DSCAML1: variants seen among roughly 807,000 people sequenced by gnomAD.
DSCAML1 encodes the protein DS cell adhesion molecule like 1, also known as cell adhesion molecule DSCAML1.
In DSCAML1, 38 loss-of-function variants were observed where a neutral mutation model predicts 200.5. That is an observed-to-expected ratio of 0.19 (90% CI 0.15 to 0.25). DSCAML1 has a LOEUF of 0.25. Ranked by LOEUF, DSCAML1 falls within the 10% of genes least tolerant of loss-of-function variation. DSCAML1 has a pLI of 1.00. For synonymous variants in DSCAML1, 1,215 were observed against 1,165.0 expected, an observed-to-expected ratio of 1.04 and a Z score of -0.87; for missense variants, 2,223 against 2,858.8, an observed-to-expected ratio of 0.78 and a Z score of 5.07.
At chr11:117,477,351 T>A (rs374157925) in intron 14 of DSCAML1, among the ~76,000 whole-genome samples, 14 of 21,958 alleles carry the variant, frequency 6.4e-4, no homozygotes, top group Admixed American at 7.0e-4. Flanking sequence ...GTTCTGAAAG[T>A]GTGTGTGTGT....
intron 3 of DSCAML1, among the ~76,000 whole-genome samples, chr11:117,712,188 G>A (rs2053861004): frequency 6.6e-6 from 1 of 152,146 alleles, no homozygotes; most frequent in Admixed American, 6.6e-5. Flanking sequence ...GAATGCAACT[G>A]GGAAAATGCA....
chr11:117,631,690 CTGTGTG>C (rs376799210), intron 3 of DSCAML1, among the ~76,000 whole-genome samples: 10 of 150,382 alleles, frequency 6.6e-5, no homozygotes, highest in East Asian at 5.8e-4. Flanking sequence ...GTGATTGTGC[CTGTGTG>C]TGTGTGTGTG....
At chr11:117,622,044 T>C (rs1373681920) in intron 3 of DSCAML1, among the ~76,000 whole-genome samples, 3 of 152,346 alleles carry the variant, frequency 2.0e-5, no homozygotes, top group South Asian at 2.1e-4. Flanking sequence ...CCTCAGTCCA[T>C]GTTTGCTGGA....
chr11:117,517,117 G>A (rs2049786044), intron 7 of DSCAML1, among the ~76,000 whole-genome samples: 1 of 152,124 alleles, frequency 6.6e-6, no homozygotes, highest in Admixed American at 6.5e-5. Context: ...AAGATTTTGG[G>A]ATTAAAGTGG....
intron 3 of DSCAML1, among the ~76,000 whole-genome samples, chr11:117,705,814 C>T (rs2053749667): frequency 6.6e-6 from 1 of 152,190 alleles, no homozygotes; most frequent in Non-Finnish European, 1.5e-5. Flanking sequence ...CAGAAGTGTG[C>T]TAGGCTGGGA....
upstream of DSCAML1, chr11:117,797,396 G>T (rs985135564): frequency 1.5e-4 from 101 of 690,006 alleles, no homozygotes; most frequent in Admixed American, 4.9e-4. Flanking sequence ...GGGCCAGACC[G>T]CCCCGACCCG....
intron 15 of DSCAML1, among the ~76,000 whole-genome samples, chr11:117,470,976 T>G (rs2048674112): frequency 6.6e-6 from 1 of 152,112 alleles, no homozygotes; most frequent in Non-Finnish European, 1.5e-5. Flanking sequence ...GTGGTGACAG[T>G]ACAAAAAAGA....
chr11:117,505,849 G>A lies in DSCAML1; in HGVS notation c.1784-117C>T. 8 of 1,267,328 alleles carry A rather than the reference G, an allele frequency of 6.3e-6. No homozygotes were observed. The highest frequency in any genetic ancestry group is 1.5e-5 in the South Asian group (1 of 67,142). The allele number at this position is 1,267,328 out of a possible 1,614,324, so 78.5% of individuals were successfully genotyped here. A position where few individuals can be genotyped will look rare whatever the true frequency, so the allele number is the denominator to read the frequency against. On this transcript the variant is annotated intron_variant, in intron 8 of 32. Coordinates refer to ENST00000651296, the MANE Select transcript of DSCAML1 (RefSeq NM_020693.4). This position sits in a 1 kb window ranked among gnomAD's most constrained non-coding sequence, Gnocchi z 6.7. ...TTGGGCCTTGAACAAAGATCCCCTG[G>A]GGCACTGCAGCCTTGTTCTCCTATG...
At chr11:117,565,097 C>T (rs1221143276) in intron 3 of DSCAML1, among the ~76,000 whole-genome samples, 1 of 152,152 alleles carries the variant, frequency 6.6e-6, no homozygotes. Flanking sequence ...ACCTGACCAC[C>T]TGTTCAGTGC....
chr11:117,461,194 A>AC (rs1229148650), intron 18 of DSCAML1, among the ~76,000 whole-genome samples: 23 of 139,750 alleles, frequency 1.6e-4, no homozygotes, highest in African/African-American at 3.5e-4. Flanking sequence ...CCTAGGTACC[A>AC]CCCCCCCACC....
In DSCAML1 at chr11:117,536,593, G is replaced by A. The variant is rs544735529; in HGVS notation, c.512-4071C>T. Among the ~76,000 whole-genome samples the A allele has an allele frequency of 3.3e-5, 5 of 152,348 alleles. No individual in the cohort carries two copies. The East Asian group carries it at 5.8e-4, about 18-fold the overall frequency. ...GGGCATTTAGTGGTTAGGGGCTTGA[G>A]TCACAAAGAACTGTTCCACCCCAAA... On this transcript the variant is annotated intron_variant, in intron 3 of 32. Coordinates refer to ENST00000651296, the MANE Select transcript of DSCAML1 (RefSeq NM_020693.4).
intron 15 of DSCAML1, among the ~76,000 whole-genome samples, chr11:117,470,490 G>T (rs1355990977): frequency 6.6e-6 from 1 of 152,218 alleles, no homozygotes; most frequent in African/African-American, 2.4e-5. Flanking sequence ...CAGGAGAATG[G>T]CATGAACCCA....
intron 20 of DSCAML1, among the ~76,000 whole-genome samples, chr11:117,446,536 C>T (rs555787595): frequency 1.3e-4 from 19 of 151,580 alleles, no homozygotes; most frequent in Non-Finnish European, 2.4e-4. Context: ...GGACAAAGGA[C>T]GTAAATTGAC....
At chr11:117,630,631 GA>G (rs1158748787) in intron 3 of DSCAML1, among the ~76,000 whole-genome samples, 1 of 107,866 alleles carries the variant, frequency 9.3e-6, no homozygotes, top group Non-Finnish European at 1.7e-5. Flanking sequence ...CCGTCTTACA[GA>G]TTTGGAAACT....
intron 3 of DSCAML1, among the ~76,000 whole-genome samples, chr11:117,775,979 G>A (rs1366744242): frequency 5.9e-5 from 9 of 152,168 alleles, no homozygotes; most frequent in African/African-American, 2.2e-4. Context: ...AAGGTCCTGG[G>A]TAGAGAAAGG....
At chr11:117,707,969 G>A (rs2053783644) in intron 3 of DSCAML1, among the ~76,000 whole-genome samples, 1 of 152,198 alleles carries the variant, frequency 6.6e-6, no homozygotes, top group African/African-American at 2.4e-5. Flanking sequence ...GAGACTGGAT[G>A]CCCATTCTAG....
chr11:117,485,150 C>T (rs2049018919), intron 11 of DSCAML1, among the ~76,000 whole-genome samples: 1 of 152,168 alleles, frequency 6.6e-6, no homozygotes, highest in Non-Finnish European at 1.5e-5. Flanking sequence ...TTTCAGACCC[C>T]ATTCACCCCT....
At chr11:117,702,002 G>A (rs950328165) in intron 3 of DSCAML1, among the ~76,000 whole-genome samples, 55 of 152,108 alleles carry the variant, frequency 3.6e-4, no homozygotes, top group African/African-American at 1.3e-3. Flanking sequence ...ACACAGTCCC[G>A]TGGATCCAAC....
intron 3 of DSCAML1, among the ~76,000 whole-genome samples, chr11:117,741,982 T>A (rs908850064): frequency 6.6e-6 from 1 of 152,084 alleles, no homozygotes; most frequent in African/African-American, 2.4e-5. Context: ...CTGAGAAAGG[T>A]TACCCTGGGC....
Sources: allele counts gnomAD v4.1 joint callset (sites outside exome capture counted in the v4.1 genomes callset), GRCh38; gene constraint gnomAD v4.1.1; non-coding constraint Gnocchi (gnomAD v3.1); transcripts MANE v1.5; gene names NCBI Gene and HGNC (gene_info 2026-07-23, HGNC 2026-07-21).